The following ZNF621 variants were observed in gnomAD, a reference collection of about 807,000 sequenced individuals.
The protein encoded by ZNF621 is zinc finger protein 621.
Under a neutral mutation model 12.7 loss-of-function variants are expected in ZNF621, and 6 were observed. The observed-to-expected ratio is 0.47, with a 90% CI of 0.26 to 0.93. ZNF621 has a LOEUF of 0.93. Ranked by LOEUF, ZNF621 falls within the 40% of genes least tolerant of loss-of-function variation. ZNF621 has a pLI of 0.15. For synonymous variants in ZNF621, 156 were observed against 190.3 expected (o/e 0.82, Z 1.48); for missense variants, 474 against 524.0 (o/e 0.90, Z 0.93).
chr3:40,525,759 C>G lies in ZNF621; in HGVS notation c.-62-20C>G, dbSNP rs1173816975. The G allele has an allele frequency of 2.5e-6, 4 of 1,605,996 alleles. No individual in the cohort carries two copies. The Admixed American group carries it at 6.7e-5, about 27-fold the overall frequency. ...GGTGGACGACAGGGTCCTTAGCACT[C>G]ATGGCTCTTTTTCTCTTAGCTCTTG... On this transcript the variant is annotated intron_variant, in intron 1 of 4. Coordinates refer to ENST00000339296, the MANE Select transcript of ZNF621 (RefSeq NM_198484.5).
rs547086722 is a variant in ZNF621 at position 40,537,783 on chromosome 3, T to G, written c.*4693T>G. 3.2e-4 allele frequency: 53 copies of G among 167,656 alleles called. No individual in the cohort carries two copies. The highest frequency in any genetic ancestry group is 1.2e-3 in the African/African-American group (52 of 41,848). 10.4% of individuals were successfully genotyped at this position (167,656 alleles called of 1,614,324 possible). On this transcript the variant is annotated 3_prime_UTR_variant, in exon 5 of 5. Coordinates refer to ENST00000339296, the MANE Select transcript of ZNF621 (RefSeq NM_198484.5). ...CTAGCAGAGGTTGGTTCATGAGGTT[T>G]AAGAAGTCATCTTATCATAAAAGTG...
At chr3:40,524,423 G>A (rs571415448), upstream of ZNF621, among the ~76,000 whole-genome samples, 23 of 152,300 alleles carry the variant, frequency 1.5e-4, no homozygotes, top group Admixed American at 5.2e-4. Context: ...ATGTAGCCAC[G>A]GGTGTTTTGG....
rs769688766 is a variant in ZNF621 at position 40,532,574 on chromosome 3, T to A, written c.804T>A (p.Cys268Ter). 1 of 1,614,096 alleles carries A rather than the reference T, an allele frequency of 6.2e-7. No individual in the cohort carries two copies. Among genetic ancestry groups the A allele is most frequent in the South Asian group, 1.1e-5 (1 of 91,074 alleles). ...AGAAACTCTATAAATGTAAGGAATG[T>A]TGGAAAGCTTTCGGTTGTAGGTCAC... ...TGEKLYKCKE[C>*]WKAFGCRSLF... The change falls in exon 5 of 5, where the codon TGT becomes TGA. Residue 268 changes from cysteine to a stop codon, truncating the protein, a stop_gained. Transcript: ENST00000339296. LOFTEE classifies it low-confidence loss of function (END_TRUNC).
chr3:40,531,766 G>A (rs1278601621), intron 4 of ZNF621, among the ~76,000 whole-genome samples: 7 of 151,956 alleles, frequency 4.6e-5, no homozygotes, highest in African/African-American at 7.2e-5. Flanking sequence ...GTTTCACCAT[G>A]TTGCCCAGTC....
intron 2 of ZNF621, among the ~76,000 whole-genome samples, chr3:40,526,629 G>T (rs1370825461): frequency 6.6e-6 from 1 of 152,172 alleles, no homozygotes; most frequent in Non-Finnish European, 1.5e-5. Context: ...AACTGGAAGG[G>T]GTCAGAGAAA....
In ZNF621 at chr3:40,532,517, A is replaced by G; in HGVS notation, c.747A>G (p.Ala249=). Reference sequence around the variant, plus strand: ...GAAAGGCTTTCCGTAGGAGTGCGGCATACCTGCAGCATCAGAGATTACACA... The same window carrying G: ...GAAAGGCTTTCCGTAGGAGTGCGGCGTACCTGCAGCATCAGAGATTACACA... ...ECGKAFRRSA[A]YLQHQRLHTG... is the part of the protein sequence containing the mutation. The change falls in exon 5 of 5, where the codon GCA becomes GCG. Residue 249 remains alanine (A), a synonymous_variant. Transcript: ENST00000339296. The G allele has an allele frequency of 6.2e-7, 1 of 1,614,204 alleles. No individual in the cohort carries two copies.
chr3:40,536,062 G>C lies in ZNF621; in HGVS notation c.*2972G>C, dbSNP rs1212996865. On this transcript the variant is annotated 3_prime_UTR_variant, in exon 5 of 5. Transcript: ENST00000339296. ...CAAAAAACAAACTCCCCAAACCCAA[G>C]TTGAAACAAAAAAAACCCCCAGACT... 1.3e-5 allele frequency: 2 copies of C among 151,756 alleles called. No individual in the cohort carries two copies. Among genetic ancestry groups the C allele is most frequent in the Admixed American group, 1.3e-4 (2 of 15,226 alleles). 9.4% of individuals were successfully genotyped at this position (151,756 alleles called of 1,614,324 possible). A position where few individuals can be genotyped will look rare whatever the true frequency, so the allele number is the denominator to read the frequency against.
At position 40,536,976 on chromosome 3, in the gene ZNF621, TTGA is replaced by T. The variant is rs1442078196; in HGVS notation, c.*3889_*3891del. The T allele has an allele frequency of 2.0e-5, 3 of 152,206 alleles. No individual in the cohort carries two copies. The highest frequency in any genetic ancestry group is 2.9e-5 in the Non-Finnish European group (2 of 68,050). The allele number at this position is 152,206 out of a possible 1,614,324, so 9.4% of individuals were successfully genotyped here. A position where few individuals can be genotyped will look rare whatever the true frequency, so the allele number is the denominator to read the frequency against. The stretch of plus-strand genomic sequence containing the variant: ...CATCCATCTAAGACAGTGAGCTTAG[TTGA>T]TGTGTGTGTGTGTGTTCTGATTACT... On this transcript the variant is annotated 3_prime_UTR_variant, in exon 5 of 5. Coordinates refer to ENST00000339296, the MANE Select transcript of ZNF621 (RefSeq NM_198484.5).
In ZNF621 at chr3:40,532,129, A is replaced by G. The variant is rs145748891; in HGVS notation, c.359A>G (p.Asn120Ser). 1.3e-5 allele frequency: 21 copies of G among 1,614,152 alleles called. No homozygotes were observed. In the African/African-American group the frequency reaches 2.3e-4, roughly 17 times the overall value. The change falls in exon 5 of 5, where the codon AAC becomes AGC. Residue 120 changes from asparagine to serine, a missense_variant. Physicochemically the swap from Asn to Ser is conservative, Grantham distance 46 (BLOSUM62 1). Transcript: ENST00000339296. ...ATGCCAGTAGGAGGACTTCTCAGGA[A>G]CGTTTCTCAGCACTTTGATTTTAAA... The part of the protein sequence containing the change: ...HRMPVGGLLR[N>S]VSQHFDFKRK...
In ZNF621 at chr3:40,533,264, T is replaced by A. The variant is rs1698782688; in HGVS notation, c.*174T>A. The stretch of plus-strand genomic sequence containing the variant: ...CAAGCGATTCTCCTCCTTCAGACTC[T>A]CGAATAGCTGGGATTACAGGCACGC... On this transcript the variant is annotated 3_prime_UTR_variant, in exon 5 of 5. Coordinates refer to ENST00000339296, the MANE Select transcript of ZNF621 (RefSeq NM_198484.5). 1.8e-6 allele frequency: 2 copies of A among 1,082,900 alleles called. No individual in the cohort carries two copies. Among genetic ancestry groups the A allele is most frequent in the African/African-American group, 1.6e-5 (1 of 62,976 alleles). The allele number at this position is 1,082,900 out of a possible 1,614,324, so 67.1% of individuals were successfully genotyped here. A position where few individuals can be genotyped will look rare whatever the true frequency, so the allele number is the denominator to read the frequency against.
rs1409702905 is a variant in ZNF621, at chr3:40,537,107, C to T, written c.*4017C>T. 3.3e-5 allele frequency: 5 copies of T among 152,110 alleles called. No homozygotes were observed. Among genetic ancestry groups the T allele is most frequent in the African/African-American group, 9.7e-5 (4 of 41,406 alleles). 9.4% of individuals were successfully genotyped at this position (152,110 alleles called of 1,614,324 possible). A position where few individuals can be genotyped will look rare whatever the true frequency, so the allele number is the denominator to read the frequency against. On this transcript the variant is annotated 3_prime_UTR_variant, in exon 5 of 5. Transcript: ENST00000339296. ...AGACCAATTGATAACCTTACAAACA[C>T]CTTTAAGTGTTTAAGTGAAAAAGTC...
At position 40,532,859 on chromosome 3, in the gene ZNF621, A is replaced by G. The variant is rs763203137; in HGVS notation, c.1089A>G (p.Pro363=). The G allele has an allele frequency of 6.2e-7, 1 of 1,612,768 alleles. No homozygotes were observed. Among genetic ancestry groups the G allele is most frequent in the East Asian group, 2.2e-5 (1 of 44,842 alleles). The change falls in exon 5 of 5, where the codon CCA becomes CCG. Residue 363 remains proline, a synonymous_variant. Coordinates refer to ENST00000339296, the MANE Select transcript of ZNF621 (RefSeq NM_198484.5). ...PSLVSPQCSS[P]AIPPVLLQGS... is the part of the protein sequence containing the mutation. The stretch of plus-strand genomic sequence containing the variant: ...TGGTCAGTCCCCAGTGCTCCTCTCC[A>G]GCCATACCTCCTGTTCTTCTCCAGG...
intron 3 of ZNF621, chr3:40,529,657 C>G: frequency 7.5e-7 from 1 of 1,334,960 alleles, no homozygotes; most frequent in Non-Finnish European, 9.9e-7. Flanking sequence ...GAGTCTCGCT[C>G]TGTCACCTAG....
At chr3:40,531,820 TC>T (rs1698732337) in intron 4 of ZNF621, among the ~76,000 whole-genome samples, 1 of 152,190 alleles carries the variant, frequency 6.6e-6, no homozygotes, top group South Asian at 2.1e-4. Context: ...TGCCTCAGCC[TC>T]CCAAAGTGCC....
Position 40,533,276 on chromosome 3 carries a change from G to A in ZNF621, c.*186G>A. On this transcript the variant is annotated 3_prime_UTR_variant, in exon 5 of 5. Transcript: ENST00000339296. ...CTCCTTCAGACTCTCGAATAGCTGG[G>A]ATTACAGGCACGCCTCACCACGCCC... 1 of 986,034 alleles carries A rather than the reference G, an allele frequency of 1.0e-6. No homozygotes were observed. The highest frequency in any genetic ancestry group is 1.9e-5 in the South Asian group (1 of 53,024). 61.1% of individuals were successfully genotyped at this position (986,034 alleles called of 1,614,324 possible).
At chr3:40,526,028 G>C (rs1215324343) in intron 2 of ZNF621, among the ~76,000 whole-genome samples, 164 bp downstream of exon 2, 1 of 152,162 alleles carries the variant, frequency 6.6e-6, no homozygotes, top group Non-Finnish European at 1.5e-5. Context: ...ATATGTGCTG[G>C]GGAAATGAAA....
At chr3:40,524,374 T>C (rs1282676688), upstream of ZNF621, among the ~76,000 whole-genome samples, 2 of 152,224 alleles carry the variant, frequency 1.3e-5, no homozygotes, top group East Asian at 3.8e-4. Flanking sequence ...TCATTTAATA[T>C]AGGACATGTC....
chr3:40,524,606 C>G (rs530323451), upstream of ZNF621, among the ~76,000 whole-genome samples: 1 of 152,228 alleles, frequency 6.6e-6, no homozygotes, highest in Non-Finnish European at 1.5e-5. Context: ...CCATTCTCCC[C>G]TCACCTGCAC....
intron 2 of ZNF621, among the ~76,000 whole-genome samples, chr3:40,527,980 G>A (rs572647076): frequency 3.3e-5 from 5 of 152,314 alleles, no homozygotes; most frequent in African/African-American, 7.2e-5. Context: ...TAACACGTTT[G>A]TGACAAGGAG....
Sources: gnomAD v4.1 joint callset for allele counts (sites outside exome capture counted in the v4.1 genomes callset) on GRCh38, gnomAD v4.1.1 for gene constraint, MANE v1.5 for transcripts, NCBI Gene and HGNC (gene_info 2026-07-23, HGNC 2026-07-21) for gene names.